The following FPR3 variants were observed in gnomAD, a reference collection of about 807,000 sequenced individuals.
FPR3 encodes N-formyl peptide receptor 3.
For synonymous variants in FPR3, 135 were observed against 163.6 expected (o/e 0.83, Z 1.34); for missense variants, 346 against 443.2 (o/e 0.78, Z 1.97).
At chr19:51,812,963 A>C (rs2084107747) in intron 1 of FPR3, among the ~76,000 whole-genome samples, 1 of 152,066 alleles carries the variant, frequency 6.6e-6, no homozygotes. Context: ...TCTACCCAAA[A>C]ATACAAAAAT....
At chr19:51,819,228 G>C (rs2084169633) in intron 1 of FPR3, among the ~76,000 whole-genome samples, 1 of 152,190 alleles carries the variant, frequency 6.6e-6, no homozygotes, top group South Asian at 2.1e-4. Flanking sequence ...TGTTGGGTTT[G>C]GAGTGTCTAT....
In FPR3 at chr19:51,824,685, C is replaced by T. The variant is rs918702023; in HGVS notation, c.937C>T (p.Leu313=). The T allele has an allele frequency of 1.9e-6, 3 of 1,613,976 alleles. No homozygotes were observed. The highest frequency in any genetic ancestry group is 2.7e-5 in the African/African-American group (2 of 74,898). Residue 313 remains leucine (L), a synonymous_variant, in exon 2 of 2, where the codon CTG becomes TTG. Transcript: ENST00000339223. The surrounding 1 kb of genome is among the most constrained non-coding windows in gnomAD (Gnocchi z 4.7). ...VFMGRNFQER[L]IRSLPTSLER... ...TATGGGTCGTAACTTCCAAGAAAGACTGATTCGCTCTTTGCCCACTAGTTT... is the reference window on the plus strand; with the variant it reads ...TATGGGTCGTAACTTCCAAGAAAGATTGATTCGCTCTTTGCCCACTAGTTT...
chr19:51,817,619 C>T (rs1490282050), intron 1 of FPR3: 3 of 151,898 alleles, frequency 2.0e-5, no homozygotes, highest in African/African-American at 7.3e-5. Flanking sequence ...TTCTTTAGCC[C>T]TCCTCTCCCT....
chr19:51,815,647 C>T (rs2084130063), intron 1 of FPR3, among the ~76,000 whole-genome samples: 1 of 151,604 alleles, frequency 6.6e-6, no homozygotes, highest in African/African-American at 2.4e-5. Context: ...GTGGGCAGAT[C>T]GCTTTAAGCC....
At chr19:51,800,990 G>A (rs1182503193) in intron 1 of FPR3, among the ~76,000 whole-genome samples, 6 of 152,164 alleles carry the variant, frequency 3.9e-5, no homozygotes, top group Non-Finnish European at 7.3e-5. Flanking sequence ...ACTGTCCAGT[G>A]GCACCGGGCC....
At position 51,823,872 on chromosome 19, in the gene FPR3, C is replaced by T; in HGVS notation, c.124C>T (p.Leu42=). The T allele has an allele frequency of 6.2e-7, 1 of 1,614,050 alleles. No individual in the cohort carries two copies. Among genetic ancestry groups the T allele is most frequent in the Non-Finnish European group, 8.5e-7 (1 of 1,179,984 alleles). The change falls in exon 2 of 2, where the codon CTG becomes TTG. Residue 42 remains leucine, a synonymous_variant. Transcript: ENST00000339223. ...CGGAGTCACCTTTGTCTTCGGGGTC[C>T]TGGGCAATGGGCTTGTGATCTGGGT... ...VHGVTFVFGV[L]GNGLVIWVAG...
intron 1 of FPR3, among the ~76,000 whole-genome samples, chr19:51,808,538 A>C (rs114997170): frequency 1.3e-3 from 204 of 152,300 alleles, no homozygotes; most frequent in African/African-American, 4.7e-3. Flanking sequence ...ATAGCGTAAG[A>C]CTGTTAAGCA....
chr19:51,819,073 A>G (rs1030852006), intron 1 of FPR3, among the ~76,000 whole-genome samples: 1 of 152,118 alleles, frequency 6.6e-6, no homozygotes, highest in Non-Finnish European at 1.5e-5. Flanking sequence ...TAGGACTTGG[A>G]TTGTATTGGG....
intron 1 of FPR3, chr19:51,804,913 G>C (rs1036706670): frequency 1.3e-5 from 2 of 152,290 alleles, no homozygotes; most frequent in African/African-American, 4.8e-5. Context: ...ATAGTGAGAA[G>C]GGGGGTGGAA....
intron 1 of FPR3, among the ~76,000 whole-genome samples, chr19:51,818,084 C>G (rs898138254): frequency 2.0e-5 from 3 of 151,690 alleles, no homozygotes; most frequent in African/African-American, 7.3e-5. Flanking sequence ...AGCTGGAAAC[C>G]ATCATTCTCA....
At chr19:51,802,948 T>C (rs1040258394) in intron 1 of FPR3, among the ~76,000 whole-genome samples, 5 of 152,200 alleles carry the variant, frequency 3.3e-5, no homozygotes, top group Non-Finnish European at 7.3e-5. Context: ...GTAAGCTGTC[T>C]GAGGGCAGGA....
Position 51,824,623 on chromosome 19 carries a change from T to C in FPR3, c.875T>C (p.Phe292Ser). The change falls in exon 2 of 2, where the codon TTT becomes TCT. Residue 292 changes from phenylalanine to serine, a missense_variant. Transcript: ENST00000339223. This position sits in a 1 kb window ranked among gnomAD's most constrained non-coding sequence, Gnocchi z 4.7. ...VLINPTSSLAFFNSCLNPILY... is the reference protein window; with the variant it reads ...VLINPTSSLASFNSCLNPILY... ...ATTAACCCAACAAGCTCCTTGGCCT[T>C]TTTTAACAGCTGCCTCAACCCAATT... is the stretch of plus-strand genomic sequence containing the variant. 4 of 1,614,190 alleles carry C rather than the reference T, an allele frequency of 2.5e-6. No homozygotes were observed. The highest frequency in any genetic ancestry group is 3.4e-6 in the Non-Finnish European group (4 of 1,180,016).
At chr19:51,814,726 C>T (rs893404181) in intron 1 of FPR3, among the ~76,000 whole-genome samples, 3 of 152,084 alleles carry the variant, frequency 2.0e-5, no homozygotes, top group African/African-American at 7.2e-5. Context: ...ACTCCTGACT[C>T]GGGTGATCTG....
chr19:51,811,928 C>T (rs946243752), intron 1 of FPR3, among the ~76,000 whole-genome samples: 2 of 152,108 alleles, frequency 1.3e-5, no homozygotes, highest in Non-Finnish European at 2.9e-5. Context: ...ATGGGGTCTT[C>T]GGCTCCCTGC....
At chr19:51,819,109 C>A (rs973988743) in intron 1 of FPR3, among the ~76,000 whole-genome samples, 1 of 151,986 alleles carries the variant, frequency 6.6e-6, no homozygotes, top group African/African-American at 2.4e-5. Context: ...AAGGTGAGTT[C>A]TACATTTAGA....
chr19:51,804,353 C>T (rs2084044107), intron 1 of FPR3, among the ~76,000 whole-genome samples: 1 of 151,958 alleles, frequency 6.6e-6, no homozygotes, highest in Non-Finnish European at 1.5e-5. Flanking sequence ...TATGAACAAA[C>T]TTCTAATGGG....
At chr19:51,813,833 C>T (rs1318492245) in intron 1 of FPR3, among the ~76,000 whole-genome samples, 2 of 152,054 alleles carry the variant, frequency 1.3e-5, no homozygotes, top group South Asian at 2.1e-4. Context: ...CGCAGCTGGC[C>T]GATGTTTTCC....
At chr19:51,810,288 C>T (rs1303561639) in intron 1 of FPR3, among the ~76,000 whole-genome samples, 1 of 152,190 alleles carries the variant, frequency 6.6e-6, no homozygotes, top group Non-Finnish European at 1.5e-5. Flanking sequence ...AGTGCCAGTG[C>T]ATGTTTACAA....
At chr19:51,800,399 T>C (rs1298557751) in intron 1 of FPR3, among the ~76,000 whole-genome samples, 1 of 152,162 alleles carries the variant, frequency 6.6e-6, no homozygotes, top group African/African-American at 2.4e-5. Context: ...TTATGTCCAG[T>C]ATAAACCTGC....
Sources: gnomAD v4.1 joint callset for allele counts (sites outside exome capture counted in the v4.1 genomes callset) on GRCh38, gnomAD v4.1.1 for gene constraint, Gnocchi (gnomAD v3.1) non-coding constraint, MANE v1.5 for transcripts, NCBI Gene and HGNC (gene_info 2026-07-23, HGNC 2026-07-21) for gene names.